Variants in CRY2 observed in about 807,000 individuals in gnomAD.
CRY2 encodes the protein cryptochrome-2.
In CRY2, 31 loss-of-function variants were observed where a neutral mutation model predicts 69.5. The ratio of observed to expected loss-of-function variants is 0.45; its 90% confidence interval spans 0.34 to 0.60. The LOEUF is 0.60. Ranked by LOEUF, CRY2 falls within the 20% of genes least tolerant of loss-of-function variation. CRY2 has a pLI of 0.02. For synonymous variants in CRY2, 303 were observed against 312.2 expected, an observed-to-expected ratio of 0.97 and a Z score of 0.31; for missense variants, 606 against 797.8, an observed-to-expected ratio of 0.76 and a Z score of 2.90.
chr11:45,867,534 C>G (rs1032627244), intron 5 of CRY2, 78 bp from the exon 6 acceptor site: 77 of 1,583,430 alleles, frequency 4.9e-5, no homozygotes, highest in Non-Finnish European at 6.6e-5. Flanking sequence ...AGGCAGATTC[C>G]TTAACCACCC....
intron 5 of CRY2, among the ~76,000 whole-genome samples, chr11:45,862,730 T>C (rs1478204285): frequency 1.3e-5 from 2 of 152,180 alleles, no homozygotes; most frequent in Non-Finnish European, 2.9e-5. Context: ...TCTCCGCACC[T>C]TTTTGCTGGA....
chr11:45,866,826 A>G (rs2086334299), intron 5 of CRY2, among the ~76,000 whole-genome samples: 1 of 152,094 alleles, frequency 6.6e-6, no homozygotes, highest in Non-Finnish European at 1.5e-5. Flanking sequence ...TCACACCTAT[A>G]ATCCCAGCAC....
chr11:45,851,290 G>A (rs891285809), intron 1 of CRY2, among the ~76,000 whole-genome samples: 7 of 152,152 alleles, frequency 4.6e-5, no homozygotes, highest in Admixed American at 4.6e-4. Context: ...TCTGTGCTGC[G>A]CCTCTTTCAG....
rs776089751 is a variant in CRY2, at chr11:45,882,870, C to T, written c.*1959C>T. The T allele has an allele frequency of 7.6e-6, 3 of 396,886 alleles. No homozygotes were observed. The highest frequency in any genetic ancestry group is 1.3e-5 in the Non-Finnish European group (3 of 225,492). 24.6% of individuals were successfully genotyped at this position (396,886 alleles called of 1,614,324 possible). A position where few individuals can be genotyped will look rare whatever the true frequency, so the allele number is the denominator to read the frequency against. On this transcript the variant is annotated 3_prime_UTR_variant, in exon 12 of 12. Coordinates refer to ENST00000616080, the MANE Select transcript of CRY2 (RefSeq NM_021117.5). Reference sequence around the variant, plus strand: ...GCCTGTCTGCTGCTGGCTCTCTTCCCTAAGGTACAGGTTGGCAGGACCACC... The same window carrying T: ...GCCTGTCTGCTGCTGGCTCTCTTCCTTAAGGTACAGGTTGGCAGGACCACC...
chr11:45,880,707 A>G (rs910222597), intron 11 of CRY2, among the ~76,000 whole-genome samples: 1 of 152,144 alleles, frequency 6.6e-6, no homozygotes, highest in African/African-American at 2.4e-5. Flanking sequence ...GTCCTGCATC[A>G]GCACCTCAGA....
intron 1 of CRY2, among the ~76,000 whole-genome samples, chr11:45,849,692 C>T (rs993870713): frequency 2.9e-4 from 43 of 149,426 alleles, no homozygotes; most frequent in Non-Finnish European, 3.4e-4. Context: ...GCAGTCTGGA[C>T]TCACTGCAAC....
chr11:45,877,261 C>T (rs958808601), intron 11 of CRY2, among the ~76,000 whole-genome samples: 1 of 152,228 alleles, frequency 6.6e-6, no homozygotes, highest in Non-Finnish European at 1.5e-5. Flanking sequence ...AGGTAGCGAA[C>T]CCTCTGCCTT....
chr11:45,870,343 A>G lies in CRY2; in HGVS notation c.1360A>G (p.Lys454Glu), dbSNP rs202243325. 11 of 1,614,240 alleles carry G rather than the reference A, an allele frequency of 6.8e-6. No individual in the cohort carries two copies. The highest frequency in any genetic ancestry group is 2.2e-5 in the East Asian group (1 of 44,890). Residue 454 changes from lysine (K) to glutamate (E), a missense_variant, in exon 9 of 12, where the codon AAA (lysine) becomes GAA (glutamate). Around this residue, in one of 5 missense-constraint regions of CRY2, gnomAD observed 173 missense variants for 213.7 expected, o/e 0.81. Coordinates refer to ENST00000616080, the MANE Select transcript of CRY2 (RefSeq NM_021117.5). ...ATCTTATTTCAGGCGATACCTGCCC[A>G]AATTGAAAGCGTTCCCCTCTCGATA... ...SGDYIRRYLPKLKAFPSRYIY... is the reference protein window; with the variant it reads ...SGDYIRRYLPELKAFPSRYIY...
chr11:45,878,681 G>A (rs1292399804), intron 11 of CRY2, among the ~76,000 whole-genome samples: 1 of 152,058 alleles, frequency 6.6e-6, no homozygotes, highest in Non-Finnish European at 1.5e-5. Flanking sequence ...CCAGCACTTT[G>A]GGAGGCTGAG....
intron 2 of CRY2, 89 bp from the exon 3 acceptor site, chr11:45,858,642 C>G: frequency 7.1e-7 from 1 of 1,409,338 alleles, no homozygotes; most frequent in South Asian, 1.4e-5. Context: ...TCTAGACTAG[C>G]TCTGTTCTCT....
At chr11:45,869,957 A>G (rs4755345) in intron 7 of CRY2, 96 bp from the exon 8 acceptor site, 1,386,746 of 1,516,554 alleles carry the variant, frequency 0.91, 640,446 homozygotes, top group Non-Finnish European at 0.94. Context: ...CTTGCCTTCA[A>G]TGGAAGGGTT....
At position 45,860,878 on chromosome 11, in the gene CRY2, C is replaced by T. The variant is rs1476137011; in HGVS notation, c.498C>T (p.Pro166=). ...TTGAGCTGAATGGGCAGAAGCCACCCCTTACATACAAGCGCTTTCAGGCCA... is the reference window on the plus strand; with the variant it reads ...TTGAGCTGAATGGGCAGAAGCCACCTCTTACATACAAGCGCTTTCAGGCCA... ...RIIELNGQKP[P]LTYKRFQAII... is the part of the protein sequence containing the mutation. The change falls in exon 4 of 12, where the codon CCC becomes CCT. Residue 166 remains proline, a synonymous_variant. Transcript: ENST00000616080. The T allele has an allele frequency of 6.2e-7, 1 of 1,614,058 alleles. No individual in the cohort carries two copies. Among genetic ancestry groups the T allele is most frequent in the African/African-American group, 1.3e-5 (1 of 74,922 alleles).
Position 45,882,265 on chromosome 11 carries a change from T to G in CRY2, c.*1354T>G. 1 of 178,524 alleles carries G rather than the reference T, an allele frequency of 5.6e-6. No homozygotes were observed. The allele number at this position is 178,524 out of a possible 1,614,324, so 11.1% of individuals were successfully genotyped here. Reference sequence around the variant, plus strand: ...TGTGGCCTGCACTTGAGCCACAAAGTGTGTGTGTGTGTGTGCGTGTGTGGT... The same window carrying G: ...TGTGGCCTGCACTTGAGCCACAAAGGGTGTGTGTGTGTGTGCGTGTGTGGT... On this transcript the variant is annotated 3_prime_UTR_variant, in exon 12 of 12. Transcript: ENST00000616080.
chr11:45,852,578 G>A (rs1185992050), intron 1 of CRY2, among the ~76,000 whole-genome samples: 1 of 152,184 alleles, frequency 6.6e-6, no homozygotes, highest in Non-Finnish European at 1.5e-5. Context: ...CCTGTCTATT[G>A]CCTCCGTGTG....
At chr11:45,867,868 A>G in intron 6 of CRY2, 116 bp downstream of exon 6, 1 of 1,375,284 alleles carries the variant, frequency 7.3e-7, no homozygotes, top group Non-Finnish European at 1.0e-6. Flanking sequence ...GGCCCCTGGA[A>G]GGGCCTAAGT....
At chr11:45,861,212 CCTT>C in intron 4 of CRY2, 180 bp downstream of exon 4, 1 of 642,230 alleles carries the variant, frequency 1.6e-6, no homozygotes, top group South Asian at 2.0e-5. Context: ...TAAACTGTGT[CCTT>C]CTAGTATTTG....
chr11:45,881,970 AG>A lies in CRY2; in HGVS notation c.*1060del, dbSNP rs1415712916. 6.6e-6 allele frequency: 1 copy of A among 152,290 alleles called. No individual in the cohort carries two copies. The highest frequency in any genetic ancestry group is 1.5e-5 in the Non-Finnish European group (1 of 68,082). The allele number at this position is 152,290 out of a possible 1,614,324, so 9.4% of individuals were successfully genotyped here. ...TCCAGACTGCCATGTCAGCTATCCC[AG>A]TAGCTGAGCTCCAAGGACTCAGGCA... On this transcript the variant is annotated 3_prime_UTR_variant, in exon 12 of 12. Transcript: ENST00000616080.
intron 10 of CRY2, among the ~76,000 whole-genome samples, chr11:45,871,632 C>G (rs992893177): frequency 4.5e-4 from 68 of 152,210 alleles, no homozygotes; most frequent in African/African-American, 1.5e-3. Context: ...GCATTCGGAG[C>G]CTCTTCCCTT....
chr11:45,847,785 C>T, intron 1 of CRY2, 80 bp downstream of exon 1: 1 of 1,445,674 alleles, frequency 6.9e-7, no homozygotes, highest in Non-Finnish European at 9.2e-7. Context: ...CACGATCCCC[C>T]CAACCCCGCC....
Sources: allele counts gnomAD v4.1 joint callset (sites outside exome capture counted in the v4.1 genomes callset), GRCh38; gene constraint gnomAD v4.1.1; regional missense constraint gnomAD v4.1.1; transcripts MANE v1.5; gene names NCBI Gene and HGNC (gene_info 2026-07-23, HGNC 2026-07-21).